Variants in FGF13 observed in about 807,000 individuals in gnomAD.
FGF13 encodes the protein fibroblast growth factor homologous factor 2.
Under a neutral mutation model 19.5 loss-of-function variants are expected in FGF13, and 2 were observed. The observed-to-expected ratio is 0.10, with a 90% CI of 0.04 to 0.32. The LOEUF (loss-of-function observed/expected upper bound fraction) is 0.32, where lower values mean the gene tolerates loss of function less well. Among genes scored for constraint, FGF13 ranks in the 10% least tolerant of loss-of-function variants. The pLI is 1.00. For synonymous variants in FGF13, 72 were observed against 76.9 expected, an observed-to-expected ratio of 0.94 and a Z score of 0.33; for missense variants, 113 against 192.7, an observed-to-expected ratio of 0.59 and a Z score of 2.45.
At chrX:138,735,198 C>T (rs990586291) in intron 1 of FGF13, among the ~76,000 whole-genome samples, 4 of 112,090 alleles carry the variant, frequency 3.6e-5, no homozygotes, top group African/African-American at 1.3e-4. Context: ...ATTAGTGGAA[C>T]AATGAATACT....
chrX:138,723,562 G>A (rs1021742423), intron 1 of FGF13, among the ~76,000 whole-genome samples: 11 of 111,210 alleles, frequency 9.9e-5, no homozygotes, highest in Non-Finnish European at 1.9e-4. Context: ...ACCGGTTGGC[G>A]ATGCGTGGAA....
At chrX:138,648,945 A>G (rs1403552780) in intron 3 of FGF13, among the ~76,000 whole-genome samples, 1 of 112,374 alleles carries the variant, frequency 8.9e-6, no homozygotes, top group Non-Finnish European at 1.9e-5. Flanking sequence ...GAACAGAAGG[A>G]AGCTAAATTA....
At chrX:139,174,176 G>A (rs2084158899) in intron 1 of FGF13, among the ~76,000 whole-genome samples, 1 of 112,569 alleles carries the variant, frequency 8.9e-6, no homozygotes, top group Non-Finnish European at 1.9e-5. Context: ...TCTTTCATAT[G>A]TTTGTTGGCC....
At chrX:138,663,556 G>T (rs2089509890) in intron 3 of FGF13, among the ~76,000 whole-genome samples, 1 of 111,469 alleles carries the variant, frequency 9.0e-6, no homozygotes, top group African/African-American at 3.3e-5. Context: ...CTTGTGTTCA[G>T]CCATCTATTA....
intron 3 of FGF13, among the ~76,000 whole-genome samples, chrX:138,696,099 A>C (rs2089892668): frequency 8.9e-6 from 1 of 112,016 alleles, no homozygotes; most frequent in South Asian, 3.7e-4. Flanking sequence ...CCAAATGTCC[A>C]TCAACTGACA....
chrX:138,781,193 A>G (rs1179599054), intron 3 of FGF13, among the ~76,000 whole-genome samples: 3 of 111,008 alleles, frequency 2.7e-5, no homozygotes, highest in African/African-American at 6.6e-5. Flanking sequence ...TTATAGCACT[A>G]AATGCCTACA....
At chrX:138,663,440 C>A (rs1276631722) in intron 3 of FGF13, among the ~76,000 whole-genome samples, 2 of 111,633 alleles carry the variant, frequency 1.8e-5, no homozygotes, top group African/African-American at 6.5e-5. Context: ...TGAAAGTTGA[C>A]TAACAAGATT....
chrX:138,779,997 G>A (rs1220187221), intron 3 of FGF13, among the ~76,000 whole-genome samples: 2 of 101,645 alleles, frequency 2.0e-5, no homozygotes, highest in Non-Finnish European at 4.0e-5. Flanking sequence ...AGAAGAGAGT[G>A]GGGGCCAATA....
At chrX:138,709,972 T>C (rs1473802264) in intron 1 of FGF13, among the ~76,000 whole-genome samples, 1 of 111,235 alleles carries the variant, frequency 9.0e-6, no homozygotes, top group Non-Finnish European at 1.9e-5. Context: ...ATTTATCTAG[T>C]AAAAGGCAGA....
chrX:139,037,313 A>T (rs1224417241), intron 1 of FGF13, among the ~76,000 whole-genome samples: 1 of 111,093 alleles, frequency 9.0e-6, no homozygotes, highest in African/African-American at 3.3e-5. Context: ...TTCCTTCCTC[A>T]CAGAATTGCT....
At chrX:139,164,878 TAAATA>T (rs752860587) in intron 1 of FGF13, among the ~76,000 whole-genome samples, 4 of 109,715 alleles carry the variant, frequency 3.6e-5, no homozygotes, top group South Asian at 3.9e-4. Context: ...ATCTGTACTT[TAAATA>T]AAATAAGAAT....
intron 1 of FGF13, among the ~76,000 whole-genome samples, chrX:138,735,171 C>G (rs1270931897): frequency 1.8e-5 from 2 of 112,077 alleles, no homozygotes; most frequent in Admixed American, 1.9e-4. Flanking sequence ...TCTTCTCATT[C>G]AGCTATGCAG....
chrX:138,777,072 G>C (rs930668542), intron 3 of FGF13, among the ~76,000 whole-genome samples: 13 of 111,882 alleles, frequency 1.2e-4, no homozygotes, highest in Admixed American at 8.5e-4. Context: ...AGGTGACACA[G>C]ACCCAGCATT....
At chrX:139,038,292 C>A (rs2092257160) in intron 1 of FGF13, among the ~76,000 whole-genome samples, 1 of 110,907 alleles carries the variant, frequency 9.0e-6, no homozygotes, top group Non-Finnish European at 1.9e-5. Context: ...TAACCTTAAA[C>A]CCCGACCACA....
chrX:138,913,182 C>CTTTTTT lies in FGF13; in HGVS notation c.-112-48538_-112-48533dup, dbSNP rs35078012. Among the ~76,000 whole-genome samples, 72 of 37,094 alleles carry CTTTTTT rather than the reference C, an allele frequency of 1.9e-3. 17 individuals carry two copies. The highest frequency in any genetic ancestry group is 7.4e-3 in the African/African-American group (59 of 8,009). The allele number at this position is 37,094 out of a possible 115,157, so 32.2% of individuals were successfully genotyped here. ...TGCACCTGGAAAGAAAAAGCATCTA[C>CTTTTTT]TTTTTTTTTTTTTTTTTTTTTTTTT... is the stretch of plus-strand genomic sequence containing the variant. On this transcript the variant is annotated intron_variant, in intron 1 of 2. Coordinates refer to the FGF13 transcript ENST00000421460.
intron 1 of FGF13, among the ~76,000 whole-genome samples, chrX:138,881,364 T>C (rs771441223): frequency 1.7e-4 from 19 of 111,925 alleles, no homozygotes; most frequent in Non-Finnish European, 2.6e-4. Context: ...TTATGTCACA[T>C]GCAAAAAAAA....
intron 3 of FGF13, among the ~76,000 whole-genome samples, chrX:138,646,618 T>G (rs758136814): frequency 8.9e-6 from 1 of 111,973 alleles, no homozygotes; most frequent in South Asian, 3.7e-4. Context: ...AGTTCACTCT[T>G]CTACTGCAAA....
chrX:138,963,214 G>T (rs896830710), intron 1 of FGF13, among the ~76,000 whole-genome samples: 2 of 112,881 alleles, frequency 1.8e-5, no homozygotes, highest in African/African-American at 6.4e-5. Context: ...CTGTTAGAAC[G>T]CCACTCCTGG....
At chrX:139,201,630 T>C (rs1357851748) in intron 1 of FGF13, among the ~76,000 whole-genome samples, 1 of 112,226 alleles carries the variant, frequency 8.9e-6, no homozygotes, top group Non-Finnish European at 1.9e-5. Flanking sequence ...AGATGACCTA[T>C]ATATAGGAAA....
Sources: gnomAD v4.1 joint callset for allele counts (sites outside exome capture counted in the v4.1 genomes callset) on GRCh38, gnomAD v4.1.1 for gene constraint, MANE v1.5 for transcripts, NCBI Gene and HGNC (gene_info 2026-07-23, HGNC 2026-07-21) for gene names.